Variants in ABTB3 observed in about 807,000 individuals in gnomAD.
The protein encoded by ABTB3 is ankyrin repeat and BTB domain containing 3.
At chr12:107,454,507 T>C in the ABTB3 span, among the ~76,000 whole-genome samples, 1 of 152,006 alleles carries the variant, frequency 6.6e-6, no homozygotes, top group African/African-American at 2.4e-5. Context: ...GCAGAAGGGG[T>C]CCAGATGTTC....
chr12:107,547,048 G>T, the ABTB3 span, among the ~76,000 whole-genome samples: 1 of 152,052 alleles, frequency 6.6e-6, no homozygotes, highest in Non-Finnish European at 1.5e-5. Flanking sequence ...ACAAAAATTA[G>T]CTGGGTGTGG....
chr12:107,502,241 A>AT, the ABTB3 span, among the ~76,000 whole-genome samples: 16 of 150,698 alleles, frequency 1.1e-4, 1 homozygote, highest in Non-Finnish European at 2.2e-4. Context: ...ATTTTTGTAT[A>AT]TTTTTTTTAG....
chr12:107,614,740 TAA>T, the ABTB3 span, among the ~76,000 whole-genome samples: 3 of 152,232 alleles, frequency 2.0e-5, no homozygotes. Flanking sequence ...ACAAAGGACA[TAA>T]AGTCACTGAG....
At chr12:107,654,817 C>CACAG in the ABTB3 span, among the ~76,000 whole-genome samples, 13 of 69,280 alleles carry the variant, frequency 1.9e-4, no homozygotes, top group Non-Finnish European at 3.3e-4. Context: ...ACATTGTATA[C>CACAG]ACACACACAC....
At chr12:107,493,082 G>A in the ABTB3 span, among the ~76,000 whole-genome samples, 9,003 of 140,002 alleles carry the variant, frequency 0.064, 360 homozygotes, top group East Asian at 0.2. Context: ...ACAGAGAAAA[G>A]AAAAAAAAAA....
At chr12:107,423,739 C>A in the ABTB3 span, among the ~76,000 whole-genome samples, 5 of 152,182 alleles carry the variant, frequency 3.3e-5, no homozygotes, top group Non-Finnish European at 7.3e-5. Context: ...CAAGCTGATA[C>A]CACTCCAGGC....
At chr12:107,644,665 T>C in the ABTB3 span, among the ~76,000 whole-genome samples, 368 of 152,278 alleles carry the variant, frequency 2.4e-3, no homozygotes, top group African/African-American at 8.7e-3. Context: ...TTAAATTGTG[T>C]GTCATGGGGG....
At chr12:107,632,940 C>T in the ABTB3 span, among the ~76,000 whole-genome samples, 2 of 152,258 alleles carry the variant, frequency 1.3e-5, no homozygotes, top group Non-Finnish European at 2.9e-5. Flanking sequence ...AACAGAGCAT[C>T]AAGTCCTTCT....
At chr12:107,501,386 T>TAA in the ABTB3 span, among the ~76,000 whole-genome samples, 703 of 121,562 alleles carry the variant, frequency 5.8e-3, 4 homozygotes, top group Non-Finnish European at 6.1e-3. Context: ...ATGCTCCCAG[T>TAA]AAAAAAAAAA....
the ABTB3 span, among the ~76,000 whole-genome samples, chr12:107,420,638 G>A: frequency 6.6e-6 from 1 of 152,066 alleles, no homozygotes. Flanking sequence ...CACATCATTT[G>A]GCTTCTTTGA....
chr12:107,609,010 T>TAAA, the ABTB3 span, among the ~76,000 whole-genome samples: 135 of 105,100 alleles, frequency 1.3e-3, 3 homozygotes, highest in African/African-American at 6.4e-3. Flanking sequence ...TAAAATAAAA[T>TAAA]AAAGACACAG....
chr12:107,613,639 A>G, the ABTB3 span, among the ~76,000 whole-genome samples: 1 of 152,112 alleles, frequency 6.6e-6, no homozygotes, highest in Non-Finnish European at 1.5e-5. Flanking sequence ...GTAGGTTTGG[A>G]ACTCAGTTAA....
chr12:107,544,255 A>C, the ABTB3 span: 5 of 1,150,074 alleles, frequency 4.3e-6, no homozygotes, highest in Non-Finnish European at 6.2e-6. Context: ...AAAACTTGCC[A>C]GAGTGGTCCC....
At chr12:107,610,164 C>T in the ABTB3 span, 38 of 1,613,868 alleles carry the variant, frequency 2.4e-5, no homozygotes, top group Non-Finnish European at 2.9e-5. Flanking sequence ...CCGCTGTACC[C>T]GCATGATGTC....
chr12:107,427,307 G>A, the ABTB3 span, among the ~76,000 whole-genome samples: 1 of 151,366 alleles, frequency 6.6e-6, no homozygotes, highest in Non-Finnish European at 1.5e-5. Flanking sequence ...AAAGAAACAG[G>A]ATCTTGCTCT....
the ABTB3 span, chr12:107,642,024 G>C: frequency 6.9e-7 from 1 of 1,446,640 alleles, no homozygotes; most frequent in Non-Finnish European, 9.7e-7. Flanking sequence ...CAGGAGAGCA[G>C]AGTTTTTTGT....
chr12:107,410,726 A>G, the ABTB3 span, among the ~76,000 whole-genome samples: 34 of 152,292 alleles, frequency 2.2e-4, no homozygotes, highest in South Asian at 6.8e-3. Flanking sequence ...CCCTAGGTGA[A>G]TGGAAGTGTC....
At chr12:107,373,500 T>C in the ABTB3 span, among the ~76,000 whole-genome samples, 1 of 152,068 alleles carries the variant, frequency 6.6e-6, no homozygotes, top group Non-Finnish European at 1.5e-5. Flanking sequence ...GATTGTGAGG[T>C]TTAGAGATGA....
chr12:107,636,400 G>A, the ABTB3 span, among the ~76,000 whole-genome samples: 2 of 152,158 alleles, frequency 1.3e-5, no homozygotes, highest in African/African-American at 4.8e-5. Context: ...TAGATAGGTT[G>A]GGGACTTTTC....
Sources: gnomAD v4.1 joint callset for allele counts (sites outside exome capture counted in the v4.1 genomes callset) on GRCh38, gnomAD v4.1.1 for gene constraint, MANE v1.5 for transcripts, NCBI Gene and HGNC (gene_info 2026-07-23, HGNC 2026-07-21) for gene names.